DENND2A: variants seen among roughly 807,000 people sequenced by gnomAD.
The protein encoded by DENND2A is DENN domain containing 2A.
Under a neutral mutation model 105.3 loss-of-function variants are expected in DENND2A, and 53 were observed. The observed-to-expected ratio is 0.50, with a 90% CI of 0.40 to 0.63. DENND2A has a LOEUF of 0.63. Ranked by LOEUF, DENND2A falls within the 30% of genes least tolerant of loss-of-function variation. The probability of loss-of-function intolerance (pLI) is 0.00; values close to 1 mark genes in which losing one functional copy is unlikely to be tolerated. For synonymous variants in DENND2A, 522 were observed against 508.4 expected (o/e 1.03, Z -0.36); for missense variants, 1,138 against 1,279.6 (o/e 0.89, Z 1.69).
Position 140,602,290 on chromosome 7 carries a change from T to A in DENND2A, c.108A>T (p.Arg36Ser), listed in dbSNP as rs1799544095. ...TGAGGGACTTGTGCCGGGGTCTGGC[T>A]CTGGCAGATGGGCAAGGGTTCTGAA... The part of the protein sequence containing the change: ...RGVQNPCPSA[R>S]ARPRHKSLNI... Residue 36 changes from arginine to serine, a missense_variant, in exon 3 of 20, where the codon AGA becomes AGT. Around this residue, in one of 2 missense-constraint regions of DENND2A, gnomAD observed 511 missense variants for 499.9 expected, o/e 1.02. Coordinates refer to ENST00000496613, the MANE Select transcript of DENND2A (RefSeq NM_015689.5). 3 of 1,609,880 alleles carry A rather than the reference T, an allele frequency of 1.9e-6. No individual in the cohort carries two copies. In the South Asian group the frequency reaches 3.3e-5, roughly 18 times the overall value.
Position 140,544,619 on chromosome 7 carries a change from T to C in DENND2A, c.2326A>G (p.Ser776Gly), listed in dbSNP as rs1563129195. ...AGCAGAAGTAGCCAAGGCGGGTACC[T>C]GAGCTTGTCTGCAATGAAGATGACC... ...RRVIFIADKLSILSKCCHAMV... is the reference protein window; with the variant it reads ...RRVIFIADKLGILSKCCHAMV... The change falls in exon 14 of 20, where the codon AGC becomes GGC. Residue 776 changes from serine (S) to glycine (G), a missense_variant and splice_region_variant. By Grantham distance (56) the Ser-to-Gly change is moderately conservative (BLOSUM62 0). Coordinates refer to ENST00000496613, the MANE Select transcript of DENND2A (RefSeq NM_015689.5). 6.2e-7 allele frequency: 1 copy of C among 1,614,172 alleles called. No homozygotes were observed. The highest frequency in any genetic ancestry group is 8.5e-7 in the Non-Finnish European group (1 of 1,180,044).
At chr7:140,602,810 C>CA (rs1283645505) in intron 2 of DENND2A, among the ~76,000 whole-genome samples, 1 of 151,314 alleles carries the variant, frequency 6.6e-6, no homozygotes, top group Non-Finnish European at 1.5e-5. Flanking sequence ...CCCATCTCTA[C>CA]AAAAATTTTT....
intron 16 of DENND2A, among the ~76,000 whole-genome samples, chr7:140,525,479 TG>T (rs1227805705): frequency 6.6e-6 from 1 of 152,124 alleles, no homozygotes; most frequent in African/African-American, 2.4e-5. Flanking sequence ...AAAATCTAGG[TG>T]CCTATAGTTA....
At chr7:140,611,535 C>G (rs866703958) in intron 1 of DENND2A, among the ~76,000 whole-genome samples, 2 of 152,018 alleles carry the variant, frequency 1.3e-5, no homozygotes, top group South Asian at 2.1e-4. Flanking sequence ...GAGACCCTGT[C>G]TCAAAATAAA....
chr7:140,569,401 A>G (rs1797997771), intron 7 of DENND2A, among the ~76,000 whole-genome samples: 1 of 152,232 alleles, frequency 6.6e-6, no homozygotes, highest in Admixed American at 6.5e-5. Context: ...TCCCACAGTC[A>G]GGCCAGGGCC....
chr7:140,637,687 T>C (rs147989895), intron 1 of DENND2A, among the ~76,000 whole-genome samples: 115 of 152,276 alleles, frequency 7.6e-4, no homozygotes, highest in African/African-American at 2.5e-3. Context: ...TGGAATCCTA[T>C]AATGCTGTGT....
At chr7:140,579,565 G>C (rs1385030608) in intron 5 of DENND2A, among the ~76,000 whole-genome samples, 1 of 151,662 alleles carries the variant, frequency 6.6e-6, no homozygotes, top group Non-Finnish European at 1.5e-5. Context: ...GCTAATTTTT[G>C]TATTTTCAGT....
chr7:140,548,696 C>T (rs1470338285), intron 12 of DENND2A, among the ~76,000 whole-genome samples: 1 of 151,540 alleles, frequency 6.6e-6, no homozygotes, highest in Non-Finnish European at 1.5e-5. Flanking sequence ...TCACTGCAAC[C>T]TCTGCCTCCT....
chr7:140,597,306 A>C (rs946129653), intron 3 of DENND2A, among the ~76,000 whole-genome samples: 2 of 152,206 alleles, frequency 1.3e-5, no homozygotes, highest in Non-Finnish European at 2.9e-5. Context: ...TAACCTCTAA[A>C]TCCTTAATCA....
In DENND2A at chr7:140,527,330, C is replaced by T; in HGVS notation, c.2493G>A (p.Leu831=). 1 of 1,587,442 alleles carries T rather than the reference C, an allele frequency of 6.3e-7. No homozygotes were observed. Among genetic ancestry groups the T allele is most frequent in the Non-Finnish European group, 8.6e-7 (1 of 1,168,510 alleles). ...AGTGGGAGCTCACCTCTTCCAGCGG[C>T]AGCTCCCTGAGCAGTGGCAGCGAGC... The part of the protein sequence containing the change: ...LSSSLPLLRE[L]PLEEVLVVDL... The change falls in exon 15 of 20, where the codon CTG becomes CTA. Residue 831 remains leucine (L), a synonymous_variant. Transcript: ENST00000496613. The surrounding 1 kb of genome is among the most constrained non-coding windows in gnomAD (Gnocchi z 4.9).
At position 140,544,730 on chromosome 7, in the gene DENND2A, C is replaced by T. The variant is rs773192248; in HGVS notation, c.2215G>A (p.Glu739Lys). 13 of 1,603,278 alleles carry T rather than the reference C, an allele frequency of 8.1e-6. No individual in the cohort carries two copies. The highest frequency in any genetic ancestry group is 1.0e-5 in the Non-Finnish European group (12 of 1,175,304). ...AAGAGAGACTCAAAGTCCACGTGCT[C>T]GAGCCGGGAGTCCAGCGGGCGGCAC... The part of the protein sequence containing the change: ...ELCRPLDSRL[E>K]HVDFESLFSS... The change falls in exon 14 of 20, where the codon GAG becomes AAG. Residue 739 changes from glutamate to lysine, a missense_variant. Transcript: ENST00000496613.
chr7:140,568,454 G>C (rs1446064035), intron 8 of DENND2A, among the ~76,000 whole-genome samples: 1 of 152,200 alleles, frequency 6.6e-6, no homozygotes, highest in East Asian at 1.9e-4. Flanking sequence ...CAGGTCTCTG[G>C]AGGCTTAGGG....
chr7:140,589,800 T>C (rs1798935591), intron 3 of DENND2A, among the ~76,000 whole-genome samples: 1 of 152,142 alleles, frequency 6.6e-6, no homozygotes, highest in African/African-American at 2.4e-5. Flanking sequence ...GGCTAAGTTT[T>C]AATTTTTTGT....
Position 140,519,673 on chromosome 7 carries a change from C to G in DENND2A, c.2957G>C (p.Ser986Thr). 1.2e-6 allele frequency: 2 copies of G among 1,614,126 alleles called. No homozygotes were observed. The highest frequency in any genetic ancestry group is 1.7e-6 in the Non-Finnish European group (2 of 1,180,030). ...RAQEYLETLPSGEHSGVNKFL... is the reference protein window; with the variant it reads ...RAQEYLETLPTGEHSGVNKFL... ...CTTATTGACACCGCTGTGCTCTCCA[C>G]TGGGGAGTGTTTCCAGATACTCTTG... The change falls in exon 19 of 20, where the codon AGT becomes ACT. Residue 986 changes from serine to threonine, a missense_variant. Transcript: ENST00000496613.
At chr7:140,539,531 T>C (rs535847471) in intron 14 of DENND2A, among the ~76,000 whole-genome samples, 1 of 152,322 alleles carries the variant, frequency 6.6e-6, no homozygotes, top group Admixed American at 6.5e-5. Context: ...GACCCTGCCC[T>C]TCACCCAACC....
chr7:140,543,326 G>A (rs1211162500), intron 14 of DENND2A, among the ~76,000 whole-genome samples: 1 of 149,716 alleles, frequency 6.7e-6, no homozygotes, highest in African/African-American at 2.5e-5. Context: ...TAGAGATGGG[G>A]GTCTTACTGT....
intron 1 of DENND2A, among the ~76,000 whole-genome samples, chr7:140,624,163 G>A (rs1279925642): frequency 6.6e-6 from 1 of 152,170 alleles, no homozygotes; most frequent in Non-Finnish European, 1.5e-5. Context: ...TTCAGGAAAT[G>A]CTGAGCCCCT....
chr7:140,633,687 C>A (rs1319295359), intron 1 of DENND2A, among the ~76,000 whole-genome samples: 1 of 152,150 alleles, frequency 6.6e-6, no homozygotes, highest in African/African-American at 2.4e-5. Context: ...TCAGCCTACA[C>A]AACATGTGGA....
rs1801150801 is a variant in DENND2A at position 140,640,338 on chromosome 7, A to G, written c.-248+166T>C. 2.0e-5 allele frequency: 3 copies of G among 152,326 alleles called. No individual in the cohort carries two copies. The South Asian group carries it at 6.2e-4, about 32-fold the overall frequency. 9.4% of individuals were successfully genotyped at this position (152,326 alleles called of 1,614,324 possible). On this transcript the variant is annotated intron_variant, in intron 1 of 19. Transcript: ENST00000496613. This position sits in a 1 kb window ranked among gnomAD's most constrained non-coding sequence, Gnocchi z 4.9. ...GAGGAACGCCTGGATCGCGCTCTGC[A>G]CAGTCCCGGGACCAGGCGGGAACTC...
Sources: allele counts gnomAD v4.1 joint callset (sites outside exome capture counted in the v4.1 genomes callset), GRCh38; gene constraint gnomAD v4.1.1; regional missense constraint gnomAD v4.1.1; non-coding constraint Gnocchi (gnomAD v3.1); transcripts MANE v1.5; gene names NCBI Gene and HGNC (gene_info 2026-07-23, HGNC 2026-07-21).